SYT9: variants seen among roughly 807,000 people sequenced by gnomAD.
SYT9 encodes synaptotagmin-9.
A neutral mutation model predicts 48.4 loss-of-function variants in SYT9; 22 were observed. That is an observed-to-expected ratio of 0.45 (90% CI 0.32 to 0.65). SYT9 has a LOEUF of 0.65. SYT9 is among the 30% of genes least tolerant of loss of function. The probability of loss-of-function intolerance (pLI) is 0.03; values close to 1 mark genes in which losing one functional copy is unlikely to be tolerated. For synonymous variants in SYT9, 265 were observed against 245.0 expected, an observed-to-expected ratio of 1.08 and a Z score of -0.76; for missense variants, 577 against 622.0, an observed-to-expected ratio of 0.93 and a Z score of 0.77.
intron 5 of SYT9, among the ~76,000 whole-genome samples, chr11:7,420,132 G>A (rs891386535): frequency 6.6e-6 from 1 of 152,112 alleles, no homozygotes; most frequent in African/African-American, 2.4e-5. Flanking sequence ...CCCATGCTTG[G>A]TTGCCTCTTG....
intron 6 of SYT9, among the ~76,000 whole-genome samples, chr11:7,449,082 A>G (rs538650129): frequency 3.2e-4 from 48 of 152,166 alleles, no homozygotes; most frequent in Middle Eastern, 3.4e-3. Context: ...GGTGGCTCAC[A>G]CCTGTAATCC....
At chr11:7,311,140 T>TA (rs1039561794) in intron 2 of SYT9, among the ~76,000 whole-genome samples, 1 of 152,012 alleles carries the variant, frequency 6.6e-6, no homozygotes, top group African/African-American at 2.4e-5. Flanking sequence ...CTGTCTCTAC[T>TA]AAAAATACAA....
intron 3 of SYT9, among the ~76,000 whole-genome samples, chr11:7,388,135 T>G (rs1476409757): frequency 2.6e-5 from 4 of 152,162 alleles, no homozygotes; most frequent in Non-Finnish European, 5.9e-5. Flanking sequence ...GCACCTGAAA[T>G]TTTCTTTATG....
chr11:7,306,981 C>T (rs1443328696), intron 2 of SYT9, among the ~76,000 whole-genome samples: 2 of 152,194 alleles, frequency 1.3e-5, no homozygotes, highest in Non-Finnish European at 2.9e-5. Flanking sequence ...TATCAGGCCA[C>T]TTTTCTCATG....
intron 3 of SYT9, among the ~76,000 whole-genome samples, chr11:7,406,534 G>A (rs991617569): frequency 6.1e-5 from 3 of 49,308 alleles, no homozygotes; most frequent in Admixed American, 5.7e-4. Flanking sequence ...GTTCAATTGC[G>A]CATATATATA....
At chr11:7,422,148 AG>A (rs765959321) in intron 6 of SYT9, among the ~76,000 whole-genome samples, 12 of 152,220 alleles carry the variant, frequency 7.9e-5, no homozygotes, top group Non-Finnish European at 1.0e-4. Context: ...ATTGATAGTC[AG>A]GTGAGTCTGG....
intron 3 of SYT9, among the ~76,000 whole-genome samples, chr11:7,338,819 T>C (rs949100000): frequency 2.0e-5 from 3 of 152,184 alleles, no homozygotes; most frequent in African/African-American, 7.2e-5. Context: ...ATATATATTC[T>C]GTTTTTGAGT....
chr11:7,455,761 T>A lies in SYT9; in HGVS notation c.1468-11031T>A, dbSNP rs75657458. Among the ~76,000 whole-genome samples the A allele has an allele frequency of 5.3e-3, 811 of 152,318 alleles. 8 individuals are homozygous for A. The highest frequency in any genetic ancestry group is 0.016 in the African/African-American group (685 of 41,558). On this transcript the variant is annotated intron_variant, in intron 6 of 6. Coordinates refer to ENST00000318881, the MANE Select transcript of SYT9 (RefSeq NM_175733.4). ...GGGGTGAAGGCCCCTGCTTGAGGAC[T>A]TCATGGGGTTGGTACTTAGTCCCTC...
At chr11:7,404,458 C>T (rs1402866046) in intron 3 of SYT9, among the ~76,000 whole-genome samples, 1 of 151,938 alleles carries the variant, frequency 6.6e-6, no homozygotes, top group Non-Finnish European at 1.5e-5. Context: ...GGTTTATTAG[C>T]TATAACTCCT....
intron 3 of SYT9, among the ~76,000 whole-genome samples, chr11:7,412,618 T>C (rs1364619139): frequency 6.6e-6 from 1 of 152,132 alleles, no homozygotes; most frequent in African/African-American, 2.4e-5. Context: ...GGCTCTGGTA[T>C]TAGTGGGTCC....
chr11:7,251,130 A>ACACACACACACACACACACC (rs909728944), upstream of SYT9, among the ~76,000 whole-genome samples: 1 of 127,230 alleles, frequency 7.9e-6, no homozygotes, highest in Admixed American at 8.1e-5. Context: ...ACACACACAC[A>ACACACACACACACACACACC]CACCCAGAGT....
At chr11:7,291,555 G>A (rs1187577089) in intron 1 of SYT9, among the ~76,000 whole-genome samples, 1 of 152,082 alleles carries the variant, frequency 6.6e-6, no homozygotes, top group Admixed American at 6.5e-5. Flanking sequence ...GACTCACCAG[G>A]GGCTCTGCTC....
chr11:7,421,363 A>C (rs114654963), intron 6 of SYT9, among the ~76,000 whole-genome samples: 210 of 152,360 alleles, frequency 1.4e-3, no homozygotes, highest in African/African-American at 4.7e-3. Context: ...AAGGGCACAC[A>C]TTCCCTTTTT....
At chr11:7,458,169 T>C (rs1848180012) in intron 6 of SYT9, among the ~76,000 whole-genome samples, 1 of 152,154 alleles carries the variant, frequency 6.6e-6, no homozygotes, top group Non-Finnish European at 1.5e-5. Flanking sequence ...TATGTTATAG[T>C]GAAGGTAAAT....
chr11:7,295,328 A>G (rs1422716099), intron 1 of SYT9, among the ~76,000 whole-genome samples: 1 of 152,224 alleles, frequency 6.6e-6, no homozygotes, highest in Non-Finnish European at 1.5e-5. Context: ...CCCAAGTTCT[A>G]CCTTACACAA....
At chr11:7,255,622 T>C (rs560035420) in intron 1 of SYT9, among the ~76,000 whole-genome samples, 1 of 152,226 alleles carries the variant, frequency 6.6e-6, no homozygotes, top group African/African-American at 2.4e-5. Context: ...GCCGCAAGTA[T>C]TTATTGAAGG....
chr11:7,406,161 T>C (rs905605423), intron 3 of SYT9, among the ~76,000 whole-genome samples: 1 of 152,216 alleles, frequency 6.6e-6, no homozygotes, highest in Non-Finnish European at 1.5e-5. Context: ...ATCATTCCTA[T>C]GTGTTGGTAA....
In SYT9 at chr11:7,467,436, G is replaced by A. The variant is rs1212890605; in HGVS notation, c.*636G>A. The A allele has an allele frequency of 6.6e-6, 1 of 152,316 alleles. No individual in the cohort carries two copies. The highest frequency in any genetic ancestry group is 1.5e-5 in the Non-Finnish European group (1 of 68,104). 9.4% of individuals were successfully genotyped at this position (152,316 alleles called of 1,614,324 possible). On this transcript the variant is annotated 3_prime_UTR_variant, in exon 7 of 7. Coordinates refer to ENST00000318881, the MANE Select transcript of SYT9 (RefSeq NM_175733.4). ...AAATTCACTGCCTCCTCCCATGCAC[G>A]TGGTAGAGAGTACCAGTATCAACAT...
intron 6 of SYT9, among the ~76,000 whole-genome samples, chr11:7,441,950 C>T (rs192644987): frequency 2.0e-5 from 3 of 152,120 alleles, no homozygotes; most frequent in South Asian, 2.1e-4. Context: ...GACTCTCCCC[C>T]ACAGGCACCC....
Sources: allele counts gnomAD v4.1 joint callset (sites outside exome capture counted in the v4.1 genomes callset), GRCh38; gene constraint gnomAD v4.1.1; transcripts MANE v1.5; gene names NCBI Gene and HGNC (gene_info 2026-07-23, HGNC 2026-07-21).